Variants in INPP5K observed in about 807,000 individuals in gnomAD.
The protein encoded by INPP5K is inositol polyphosphate-5-phosphatase K.
INPP5K carries 35 observed loss-of-function variants against 53.5 expected under a neutral mutation model. The observed-to-expected ratio is 0.65, with a 90% CI of 0.50 to 0.87. The LOEUF (loss-of-function observed/expected upper bound fraction) is 0.87. Ranked by LOEUF, INPP5K falls within the 40% of genes least tolerant of loss-of-function variation. INPP5K has a pLI of 0.00. For missense variants in INPP5K, 550 were observed against 586.2 expected (o/e 0.94, Z 0.64); for synonymous variants, 253 against 232.8 (o/e 1.09, Z -0.79).
chr17:1,502,426 C>T (rs2075048870), intron 7 of INPP5K, among the ~76,000 whole-genome samples: 4 of 152,196 alleles, frequency 2.6e-5, no homozygotes, highest in Admixed American at 2.6e-4. Flanking sequence ...CCCTCCCTAA[C>T]TTCCCTGTGA....
At chr17:1,499,830 G>A (rs1437026687) in intron 7 of INPP5K, among the ~76,000 whole-genome samples, 1 of 152,200 alleles carries the variant, frequency 6.6e-6, no homozygotes, top group African/African-American at 2.4e-5. Flanking sequence ...AATCAACCCA[G>A]AGTAATAAAG....
At chr17:1,506,296 A>AGCC (rs771504461) in intron 7 of INPP5K, among the ~76,000 whole-genome samples, 10 of 152,122 alleles carry the variant, frequency 6.6e-5, no homozygotes, top group Non-Finnish European at 1.5e-4. Context: ...AAGTGCTGGG[A>AGCC]TTACAGGTGT....
intron 7 of INPP5K, among the ~76,000 whole-genome samples, chr17:1,500,520 A>G (rs948662853): frequency 2.0e-5 from 3 of 152,098 alleles, no homozygotes; most frequent in African/African-American, 7.2e-5. Context: ...GCCTGCCACC[A>G]TGCCTGGCTA....
At chr17:1,513,596 C>T in intron 2 of INPP5K, 35 bp from the exon 3 acceptor site, 1 of 1,538,978 alleles carries the variant, frequency 6.5e-7, no homozygotes, top group African/African-American at 1.4e-5. Context: ...GGCCCCTGGC[C>T]TCCAGGCTAC....
chr17:1,508,075 G>C, intron 6 of INPP5K, 40 bp downstream of exon 6: 2 of 1,390,156 alleles, frequency 1.4e-6, no homozygotes, highest in Non-Finnish European at 2.0e-6. Flanking sequence ...CCCCACCGTG[G>C]GCTCAGATCA....
rs199519279 is a variant in INPP5K, at chr17:1,516,528, G to A, written c.-29C>T. ...CGCCGTCGTCCCCGCGCGGTGGTCC[G>A]GCAGGTTCGCGTCTCCCGGCCAGCG... On this transcript the variant is annotated 5_prime_UTR_variant, in exon 1 of 12. Coordinates refer to ENST00000421807, the MANE Select transcript of INPP5K (RefSeq NM_016532.4). 6.4e-7 allele frequency: 1 copy of A among 1,550,894 alleles called. No individual in the cohort carries two copies. The highest frequency in any genetic ancestry group is 8.6e-7 in the Non-Finnish European group (1 of 1,158,396).
At chr17:1,514,214 T>A (rs2075379252) in intron 1 of INPP5K, among the ~76,000 whole-genome samples, 1 of 151,846 alleles carries the variant, frequency 6.6e-6, no homozygotes, top group Non-Finnish European at 1.5e-5. Flanking sequence ...TCCCAGCTAC[T>A]CTGGAGGCTG....
At chr17:1,513,173 T>C (rs962701114) in intron 3 of INPP5K, among the ~76,000 whole-genome samples, 9 of 152,248 alleles carry the variant, frequency 5.9e-5, no homozygotes, top group South Asian at 2.1e-4. Flanking sequence ...CGGCCAGCAC[T>C]GAGGTGATGA....
At chr17:1,502,488 C>T (rs1355917577) in intron 7 of INPP5K, among the ~76,000 whole-genome samples, 1 of 152,176 alleles carries the variant, frequency 6.6e-6, no homozygotes, top group Non-Finnish European at 1.5e-5. Flanking sequence ...CAAGCCCTGA[C>T]CACAGCCTGT....
intron 2 of INPP5K, 49 bp downstream of exon 2, chr17:1,513,823 G>C: frequency 7.0e-7 from 1 of 1,419,798 alleles, no homozygotes; most frequent in African/African-American, 1.4e-5. Flanking sequence ...TTCCCACAGG[G>C]AAACCTGGGA....
At chr17:1,515,155 C>T (rs1416001822) in intron 1 of INPP5K, among the ~76,000 whole-genome samples, 2 of 152,138 alleles carry the variant, frequency 1.3e-5, no homozygotes, top group Non-Finnish European at 2.9e-5. Context: ...GTGATCCGCC[C>T]GCCTCAGCCT....
Position 1,509,268 on chromosome 17 carries a change from G to T in INPP5K, c.464C>A (p.Ser155Tyr). The change falls in exon 5 of 12, where the codon TCC (serine) becomes TAC (tyrosine). Residue 155 changes from serine (S) to tyrosine (Y), a missense_variant. Physicochemically the swap from Ser to Tyr is moderately radical, Grantham distance 144. Transcript: ENST00000421807. The stretch of plus-strand genomic sequence containing the variant: ...GTGCTCCAGCCGCTGGTAATTGTTG[G>T]AAATGTGGGGAGGCAGGTGGCAGTT... ...IINCHLPPHI[S>Y]NNYQRLEHFD... is the part of the protein sequence containing the mutation. 1.2e-6 allele frequency: 2 copies of T among 1,614,088 alleles called. No individual in the cohort carries two copies. Among genetic ancestry groups the T allele is most frequent in the Non-Finnish European group, 1.7e-6 (2 of 1,180,010 alleles).
At chr17:1,503,089 T>G (rs1053253440) in intron 7 of INPP5K, among the ~76,000 whole-genome samples, 1 of 152,046 alleles carries the variant, frequency 6.6e-6, no homozygotes, top group African/African-American at 2.4e-5. Flanking sequence ...TTTCACCATG[T>G]TGCCCAGGCT....
intron 7 of INPP5K, among the ~76,000 whole-genome samples, chr17:1,505,045 C>G (rs867951407): frequency 7.9e-5 from 12 of 152,246 alleles, no homozygotes; most frequent in African/African-American, 2.9e-4. Flanking sequence ...AAACTTCAGT[C>G]TCCTGGAGGT....
chr17:1,495,683 G>A lies in INPP5K; in HGVS notation c.*140C>T. ...GAGAGAGCAAATGAGCCTGGTTAGA[G>A]CTCACTCTGGGAGGAGTATGTGGAC... On this transcript the variant is annotated 3_prime_UTR_variant, in exon 12 of 12. Transcript: ENST00000421807. 2 of 637,740 alleles carry A rather than the reference G, an allele frequency of 3.1e-6. No homozygotes were observed. The highest frequency in any genetic ancestry group is 5.6e-6 in the Non-Finnish European group (2 of 356,788). The allele number at this position is 637,740 out of a possible 1,614,324, so 39.5% of individuals were successfully genotyped here. A position where few individuals can be genotyped will look rare whatever the true frequency, so the allele number is the denominator to read the frequency against.
chr17:1,496,917 G>C (rs1026671222), intron 8 of INPP5K, 114 bp from the exon 9 acceptor site: 5 of 1,097,726 alleles, frequency 4.6e-6, no homozygotes, highest in Middle Eastern at 2.3e-4. Flanking sequence ...GCACCCAGAG[G>C]GGGTGGGCAT....
Position 1,498,002 on chromosome 17 carries a change from G to A in INPP5K, c.897C>T (p.Gly299=). ...PASHFSLSLR[G]YSSHMTYGIS... is the part of the protein sequence containing the mutation. ...TGCCGTACGTCATGTGGCTGCTGTA[G>A]CCCCTCAGAGACAAGGAGAAGTGTG... The change falls in exon 8 of 12, where the codon GGC becomes GGT. Residue 299 remains glycine, a synonymous_variant. Coordinates refer to ENST00000421807, the MANE Select transcript of INPP5K (RefSeq NM_016532.4). 6.2e-7 allele frequency: 1 copy of A among 1,614,162 alleles called. No individual in the cohort carries two copies. The highest frequency in any genetic ancestry group is 1.3e-5 in the African/African-American group (1 of 75,046).
chr17:1,501,246 C>T (rs1285132662), intron 7 of INPP5K, among the ~76,000 whole-genome samples: 2 of 152,244 alleles, frequency 1.3e-5, no homozygotes, highest in African/African-American at 2.4e-5. Flanking sequence ...GCGTGAGCCA[C>T]CGTGCCTGGC....
intron 7 of INPP5K, among the ~76,000 whole-genome samples, chr17:1,498,719 A>G (rs941973737): frequency 2.6e-5 from 4 of 152,150 alleles, no homozygotes; most frequent in African/African-American, 9.7e-5. Context: ...ATCCCACCTC[A>G]GCCTCCTGAG....
Sources: allele counts gnomAD v4.1 joint callset (sites outside exome capture counted in the v4.1 genomes callset), GRCh38; gene constraint gnomAD v4.1.1; transcripts MANE v1.5; gene names NCBI Gene and HGNC (gene_info 2026-07-23, HGNC 2026-07-21).